PDGFRA: variants seen among roughly 807,000 people sequenced by gnomAD.
PDGFRA encodes platelet-derived growth factor receptor alpha.
In PDGFRA, 25 loss-of-function variants were observed where a neutral mutation model predicts 121.5. That is an observed-to-expected ratio of 0.21 (90% confidence interval 0.15 to 0.29). PDGFRA has a LOEUF of 0.29. PDGFRA is among the 10% of genes least tolerant of loss of function. PDGFRA has a pLI of 1.00. For synonymous variants in PDGFRA, 463 were observed against 494.8 expected, an observed-to-expected ratio of 0.94 and a Z score of 0.85; for missense variants, 1,008 against 1,345.1, an observed-to-expected ratio of 0.75 and a Z score of 3.92.
intron 1 of PDGFRA, among the ~76,000 whole-genome samples, chr4:54,244,659 G>T (rs1050278313): frequency 1.3e-5 from 2 of 152,196 alleles, no homozygotes; most frequent in African/African-American, 2.4e-5. Flanking sequence ...AAAGCAGAGC[G>T]CCTCTCCTCC....
Position 54,295,806 on chromosome 4 carries a change from A to G in PDGFRA, c.*534A>G, listed in dbSNP as rs566508858. 257 of 238,878 alleles carry G rather than the reference A, an allele frequency of 1.1e-3. No homozygotes were observed. The highest frequency in any genetic ancestry group is 2.5e-3 in the Middle Eastern group (2 of 792). The allele number at this position is 238,878 out of a possible 1,614,324, so 14.8% of individuals were successfully genotyped here. On this transcript the variant is annotated 3_prime_UTR_variant, in exon 23 of 23. Transcript: ENST00000257290. Reference sequence around the variant, plus strand: ...TTGAACCTTAAAAGGTACTGGTACTATAGCATTTTGCTATCTTTTTTAGTG... The same window carrying G: ...TTGAACCTTAAAAGGTACTGGTACTGTAGCATTTTGCTATCTTTTTTAGTG...
intron 1 of PDGFRA, among the ~76,000 whole-genome samples, chr4:54,249,354 A>G (rs1186063614): frequency 6.6e-6 from 1 of 152,194 alleles, no homozygotes; most frequent in East Asian, 1.9e-4. Flanking sequence ...TTGCGGCACT[A>G]TTCACAATAG....
intron 1 of PDGFRA, among the ~76,000 whole-genome samples, chr4:54,249,348 G>A (rs577103868): frequency 2.4e-3 from 364 of 152,148 alleles, no homozygotes; most frequent in African/African-American, 7.7e-3. Flanking sequence ...TGTTTATTGC[G>A]GCACTATTCA....
intron 15 of PDGFRA, 35 bp downstream of exon 15, chr4:54,278,550 A>T (rs777124683): frequency 6.2e-7 from 1 of 1,601,058 alleles, no homozygotes; most frequent in Non-Finnish European, 8.6e-7. Flanking sequence ...GTCTATCATT[A>T]TCTTACAGGC....
chr4:54,281,104 G>A (rs1302050441), intron 16 of PDGFRA, among the ~76,000 whole-genome samples: 1 of 152,186 alleles, frequency 6.6e-6, no homozygotes, highest in Non-Finnish European at 1.5e-5. Flanking sequence ...TGAATATGTG[G>A]CAGGGTTAAA....
chr4:54,288,950 G>T, intron 20 of PDGFRA, 52 bp downstream of exon 20: 1 of 1,520,456 alleles, frequency 6.6e-7, no homozygotes, highest in East Asian at 2.3e-5. Context: ...GTGGGTCTAG[G>T]GGGAGGGAGG....
At chr4:54,235,082 T>G (rs568190532) in intron 1 of PDGFRA, among the ~76,000 whole-genome samples, 1 of 152,150 alleles carries the variant, frequency 6.6e-6, no homozygotes, top group Admixed American at 6.5e-5. Context: ...TTTCCACCAG[T>G]GTAGACCTGC....
intron 19 of PDGFRA, among the ~76,000 whole-genome samples, chr4:54,288,573 T>C (rs1407670812): frequency 6.6e-6 from 1 of 152,198 alleles, no homozygotes; most frequent in African/African-American, 2.4e-5. Context: ...AGATGTAGAA[T>C]TTTTGTGATG....
Position 54,290,421 on chromosome 4 carries a change from G to A in PDGFRA, c.2989G>A (p.Glu997Lys), listed in dbSNP as rs758534651. The A allele has an allele frequency of 6.2e-7, 1 of 1,614,164 alleles. No individual in the cohort carries two copies. The highest frequency in any genetic ancestry group is 8.5e-7 in the Non-Finnish European group (1 of 1,179,970). Residue 997 changes from glutamate to lysine, a missense_variant, in exon 22 of 23, where the codon GAA becomes AAA. By Grantham distance (56) the Glu-to-Lys change is moderately conservative. This residue lies in a region of PDGFRA where 204 missense variants were observed against 243.0 expected (regional missense o/e 0.84). Transcript: ENST00000257290. ...CATTGGTGTCACCTACAAAAACGAG[G>A]AAGACAAGCTGAAGGACTGGGAGGG... ...AYIGVTYKNE[E>K]DKLKDWEGGL...
At chr4:54,250,510 G>T (rs758085113) in intron 1 of PDGFRA, among the ~76,000 whole-genome samples, 1 of 152,162 alleles carries the variant, frequency 6.6e-6, no homozygotes, top group Admixed American at 6.5e-5. Context: ...ATTGGTATAT[G>T]TTCCAAAATT....
In PDGFRA at chr4:54,256,730, G is replaced by A. The variant is rs554144309; in HGVS notation, c.-12-2027G>A. On this transcript the variant is annotated intron_variant, in intron 1 of 22. Transcript: ENST00000257290. ...ACGGGTGATAAAGACCCCAGGATGC[G>A]GGCCGGGTGTGGTGGTTTATGCCTG... Among the ~76,000 whole-genome samples the A allele has an allele frequency of 2.5e-3, 380 of 151,844 alleles. 1 individual carries two copies. Among genetic ancestry groups the A allele is most frequent in the African/African-American group, 8.9e-3 (370 of 41,430 alleles).
intron 5 of PDGFRA, among the ~76,000 whole-genome samples, chr4:54,266,411 C>CTTTTTTTTTTTTTTTTTT (rs552308043): frequency 7.7e-6 from 1 of 130,544 alleles, no homozygotes; most frequent in Admixed American, 7.7e-5. Context: ...TTTCTTTTTT[C>CTTTTTTTTTTTTTTTTTT]TTTTTTTTTT....
intron 1 of PDGFRA, among the ~76,000 whole-genome samples, chr4:54,238,071 A>C (rs965631649): frequency 6.6e-6 from 1 of 152,218 alleles, no homozygotes; most frequent in African/African-American, 2.4e-5. Context: ...CAGCATGCAC[A>C]TGCAAACTTT....
intron 16 of PDGFRA, among the ~76,000 whole-genome samples, chr4:54,284,553 T>TGAGAGAGAGAGA (rs1446665217): frequency 1.2e-4 from 9 of 72,882 alleles, no homozygotes; most frequent in African/African-American, 3.3e-4. Context: ...CAGGAGCAAG[T>TGAGAGAGAGAGA]GAGAGAGAGA....
At chr4:54,274,446 G>A in intron 10 of PDGFRA, 85 bp from the exon 11 acceptor site, 1 of 966,742 alleles carries the variant, frequency 1.0e-6, no homozygotes, top group Non-Finnish European at 1.7e-6. Flanking sequence ...GAGATTCCTG[G>A]CTCAGACACA....
At chr4:54,247,787 T>C (rs956325164) in intron 1 of PDGFRA, among the ~76,000 whole-genome samples, 2 of 152,220 alleles carry the variant, frequency 1.3e-5, no homozygotes, top group Non-Finnish European at 2.9e-5. Context: ...AAATTGTCCC[T>C]GTTTGCGGAT....
intron 1 of PDGFRA, among the ~76,000 whole-genome samples, chr4:54,232,109 C>T (rs1217673334): frequency 1.3e-5 from 2 of 152,216 alleles, no homozygotes; most frequent in Admixed American, 6.5e-5. Flanking sequence ...CCAGGTTATA[C>T]GTTGCTGGTG....
In PDGFRA at chr4:54,285,953, C is replaced by T. The variant is rs745464928; in HGVS notation, c.2552C>T (p.Ser851Leu). 2 of 1,614,076 alleles carry T rather than the reference C, an allele frequency of 1.2e-6. No individual in the cohort carries two copies. The highest frequency in any genetic ancestry group is 1.1e-5 in the South Asian group (1 of 91,072). The change falls in exon 18 of 23, where the codon TCG (serine) becomes TTG (leucine). Residue 851 changes from serine (S) to leucine (L), a missense_variant. Around this residue, in one of 5 missense-constraint regions of PDGFRA, gnomAD observed 40 missense variants for 127.4 expected, o/e 0.31. Transcript: ENST00000257290. The part of the protein sequence containing the change: ...RDIMHDSNYV[S>L]KGSTFLPVKW... ...ATCATGCATGATTCGAACTATGTGT[C>T]GAAAGGCAGTGTACGTCCTCACTTC...
At chr4:54,286,086 G>A in intron 18 of PDGFRA, 123 bp downstream of exon 18, 1 of 1,012,544 alleles carries the variant, frequency 9.9e-7, no homozygotes, top group Non-Finnish European at 1.5e-6. Context: ...CAAGGGGTCA[G>A]TACACTGCCT....
Sources: allele counts gnomAD v4.1 joint callset (sites outside exome capture counted in the v4.1 genomes callset), GRCh38; gene constraint gnomAD v4.1.1; regional missense constraint gnomAD v4.1.1; transcripts MANE v1.5; gene names NCBI Gene and HGNC (gene_info 2026-07-23, HGNC 2026-07-21).